Variants in CCDC82 observed in about 807,000 individuals in gnomAD.
CCDC82 encodes the protein coiled-coil domain-containing protein 82.
A neutral mutation model predicts 60.6 loss-of-function variants in CCDC82; 47 were observed. That is an observed-to-expected ratio of 0.77 (90% confidence interval 0.61 to 0.99). The LOEUF (loss-of-function observed/expected upper bound fraction) is 0.99, where lower values mean the gene tolerates loss of function less well. Among genes scored for constraint, CCDC82 ranks in the 50% least tolerant of loss-of-function variants. The probability of loss-of-function intolerance (pLI) is 0.00; values close to 1 mark genes in which losing one functional copy is unlikely to be tolerated. For synonymous variants in CCDC82, 212 were observed against 207.4 expected (o/e 1.02, Z -0.19); for missense variants, 588 against 633.0 (o/e 0.93, Z 0.76).
rs191249381 is a variant in CCDC82, at chr11:96,375,893, C to T, written c.992-2426G>A. On this transcript the variant is annotated intron_variant, in intron 5 of 9. Coordinates refer to ENST00000646818, the MANE Select transcript of CCDC82 (RefSeq NM_024725.4). ...ACTTATCCAAGGTGACATAACTAGACGGAGGCAAAATAAGGCTTAGAGCTC... is the reference window on the plus strand; with the variant it reads ...ACTTATCCAAGGTGACATAACTAGATGGAGGCAAAATAAGGCTTAGAGCTC... 5.3e-4 allele frequency among the ~76,000 whole-genome samples: 81 copies of T among 152,264 alleles called. 1 individual carries two copies. The highest frequency in any genetic ancestry group is 1.6e-3 in the Admixed American group (25 of 15,298).
At chr11:96,373,034 G>T (rs1865368424) in intron 6 of CCDC82, among the ~76,000 whole-genome samples, 1 of 152,098 alleles carries the variant, frequency 6.6e-6, no homozygotes, top group African/African-American at 2.4e-5. Context: ...AAAACAGCAT[G>T]GAACTTTTAA....
chr11:96,373,682 T>C (rs992699326), intron 5 of CCDC82, among the ~76,000 whole-genome samples: 1 of 152,220 alleles, frequency 6.6e-6, no homozygotes, highest in African/African-American at 2.4e-5. Flanking sequence ...TGTCTACTTG[T>C]AATTTCAAAT....
intron 5 of CCDC82, among the ~76,000 whole-genome samples, chr11:96,378,587 C>G (rs1161745400): frequency 2.0e-5 from 3 of 151,904 alleles, no homozygotes; most frequent in Non-Finnish European, 2.9e-5. Context: ...TTCCAGTGTT[C>G]TAGCAAGGCA....
At chr11:96,361,626 T>A (rs1238469061) in intron 8 of CCDC82, among the ~76,000 whole-genome samples, 2 of 152,202 alleles carry the variant, frequency 1.3e-5, no homozygotes, top group Non-Finnish European at 1.5e-5. Context: ...AACCCCTCAC[T>A]CATTCCTGTT....
chr11:96,377,389 AAAT>A, intron 5 of CCDC82, among the ~76,000 whole-genome samples: 1 of 151,924 alleles, frequency 6.6e-6, no homozygotes, highest in Non-Finnish European at 1.5e-5. Flanking sequence ...TATTATGTTC[AAAT>A]AATGTCTTTT....
intron 4 of CCDC82, 47 bp from the exon 5 acceptor site, chr11:96,383,520 G>T (rs766176877): frequency 2.5e-6 from 3 of 1,177,736 alleles, no homozygotes; most frequent in Non-Finnish European, 2.4e-6. Context: ...CTATTAAAAC[G>T]GTAAGCATCG....
At chr11:96,356,935 C>A in intron 9 of CCDC82, 1 of 985,302 alleles carries the variant, frequency 1.0e-6, no homozygotes, top group Non-Finnish European at 1.2e-6. Context: ...ACAAATAGTA[C>A]GTGTAAGGCA....
intron 1 of CCDC82, chr11:96,389,015 C>T (rs1866375223): frequency 6.6e-6 from 1 of 152,218 alleles, no homozygotes; most frequent in Admixed American, 6.5e-5. Context: ...CAGCATAATA[C>T]ACGATTTGAG....
At chr11:96,384,814 G>T (rs1866102457) in intron 3 of CCDC82, 53 bp from the exon 4 acceptor site, 4 of 1,098,372 alleles carry the variant, frequency 3.6e-6, no homozygotes, top group Non-Finnish European at 5.1e-6. Context: ...TTAGAGCAAT[G>T]AATGCATTTA....
chr11:96,361,157 AT>A (rs1864642871), intron 8 of CCDC82, among the ~76,000 whole-genome samples: 1 of 152,196 alleles, frequency 6.6e-6, no homozygotes, highest in South Asian at 2.1e-4. Context: ...GTGTGTCTCC[AT>A]TTCTGCCATC....
chr11:96,367,002 T>C (rs1864985165), intron 7 of CCDC82, among the ~76,000 whole-genome samples: 2 of 152,328 alleles, frequency 1.3e-5, no homozygotes, highest in South Asian at 4.1e-4. Flanking sequence ...ATGTATGTAA[T>C]TTAAACTACA....
intron 2 of CCDC82, 150 bp downstream of exon 2, chr11:96,387,380 T>C (rs1012777368): frequency 1.3e-5 from 2 of 152,218 alleles, no homozygotes; most frequent in Non-Finnish European, 2.9e-5. Context: ...ATTAAAAACT[T>C]ATGACTGCAC....
intron 8 of CCDC82, chr11:96,363,225 A>C (rs1455031654): frequency 6.6e-6 from 1 of 152,218 alleles, no homozygotes; most frequent in Non-Finnish European, 1.5e-5. Flanking sequence ...AAGTGCTGGG[A>C]TTACAGGCGT....
rs1242150637 is a variant in CCDC82, at chr11:96,358,994, T to A, written c.1565A>T (p.Glu522Val). The change falls in exon 9 of 10, where the codon GAG becomes GTG. Residue 522 changes from glutamate to valine, a missense_variant and splice_region_variant. Transcript: ENST00000646818. ...AAGATTCTCATATATTCACCTTACC[T>A]CCTTAATCCAGCCATTTTCTTTTGA... is the stretch of plus-strand genomic sequence containing the variant. ...RRSKENGWIK[E>V]KYGQLEEYLN... 6.2e-7 allele frequency: 1 copy of A among 1,604,784 alleles called. No homozygotes were observed. The highest frequency in any genetic ancestry group is 2.3e-5 in the East Asian group (1 of 44,264).
chr11:96,383,031 T>A, intron 5 of CCDC82: 2 of 377,160 alleles, frequency 5.3e-6, no homozygotes, highest in Non-Finnish European at 9.4e-6. Context: ...ATTTCTACAA[T>A]GGTAAATATT....
intron 7 of CCDC82, among the ~76,000 whole-genome samples, chr11:96,367,473 C>T (rs536589293): frequency 1.3e-5 from 2 of 152,262 alleles, no homozygotes; most frequent in East Asian, 1.9e-4. Context: ...TTTGCTTATC[C>T]GTAAGAAGCA....
At chr11:96,377,344 T>C (rs1016533188) in intron 5 of CCDC82, among the ~76,000 whole-genome samples, 1 of 107,898 alleles carries the variant, frequency 9.3e-6, no homozygotes, top group African/African-American at 4.1e-5. Flanking sequence ...TTAGCTTATA[T>C]GTGTGTACAT....
At chr11:96,360,774 AT>A (rs1276990172) in intron 8 of CCDC82, among the ~76,000 whole-genome samples, 2 of 152,238 alleles carry the variant, frequency 1.3e-5, no homozygotes, top group Non-Finnish European at 2.9e-5. Context: ...ACAAGTGATG[AT>A]AGACAAAGCA....
intron 7 of CCDC82, among the ~76,000 whole-genome samples, chr11:96,370,640 A>G (rs1659682328): frequency 6.6e-6 from 1 of 152,182 alleles, no homozygotes; most frequent in South Asian, 2.1e-4. Flanking sequence ...AAATTCACAT[A>G]TAATGCTTGG....
Sources: allele counts gnomAD v4.1 joint callset (sites outside exome capture counted in the v4.1 genomes callset), GRCh38; gene constraint gnomAD v4.1.1; transcripts MANE v1.5; gene names NCBI Gene and HGNC (gene_info 2026-07-23, HGNC 2026-07-21).